Variants in NPAS3 observed in about 807,000 individuals in gnomAD.
NPAS3 encodes neuronal PAS domain-containing protein 3.
In NPAS3, 14 loss-of-function variants were observed where a neutral mutation model predicts 73.1. The observed-to-expected ratio is 0.19, with a 90% CI of 0.13 to 0.30. NPAS3 has a LOEUF of 0.30. NPAS3 is among the 10% of genes least tolerant of loss of function. The pLI is 1.00. For synonymous variants in NPAS3, 620 were observed against 541.5 expected (o/e 1.14, Z -2.01); for missense variants, 1,096 against 1,250.0 (o/e 0.88, Z 1.86).
intron 5 of NPAS3, among the ~76,000 whole-genome samples, chr14:33,647,237 T>C (rs1457424633): frequency 2.0e-5 from 3 of 151,974 alleles, no homozygotes; most frequent in Non-Finnish European, 1.5e-5. Flanking sequence ...GTAAGCAATT[T>C]CATACACTTA....
intron 8 of NPAS3, among the ~76,000 whole-genome samples, chr14:33,775,282 G>T (rs1028012562): frequency 1.3e-5 from 2 of 152,120 alleles, no homozygotes; most frequent in Non-Finnish European, 2.9e-5. Context: ...GAGAGGAGCC[G>T]CCCACATACC....
intron 3 of NPAS3, among the ~76,000 whole-genome samples, chr14:33,239,725 A>G (rs1321281947): frequency 6.6e-6 from 1 of 152,010 alleles, no homozygotes; most frequent in East Asian, 1.9e-4. Context: ...GCCTTGAAAT[A>G]TTTGCCCATT....
chr14:33,779,957 A>G (rs1052260450), intron 9 of NPAS3, among the ~76,000 whole-genome samples: 2 of 152,172 alleles, frequency 1.3e-5, no homozygotes, highest in African/African-American at 4.8e-5. Flanking sequence ...GGTCAAAGAG[A>G]GCTATTTCTT....
intron 3 of NPAS3, among the ~76,000 whole-genome samples, chr14:33,359,231 T>C (rs2140381257): frequency 6.6e-6 from 1 of 152,344 alleles, no homozygotes. Flanking sequence ...AGCTGTTTCC[T>C]GCAGAACCAA....
intron 1 of NPAS3, among the ~76,000 whole-genome samples, chr14:33,028,951 A>G (rs2039899228): frequency 6.6e-6 from 1 of 152,264 alleles, no homozygotes; most frequent in East Asian, 1.9e-4. Context: ...CCCAGTGTGC[A>G]TTAGCTATTT....
chr14:33,182,485 C>G (rs1216542741), intron 2 of NPAS3, among the ~76,000 whole-genome samples: 4 of 152,044 alleles, frequency 2.6e-5, no homozygotes, highest in Non-Finnish European at 5.9e-5. Context: ...AAGGTTGTAA[C>G]AAATAAAACA....
chr14:33,253,094 T>G (rs1296803187), intron 3 of NPAS3, among the ~76,000 whole-genome samples: 2 of 152,086 alleles, frequency 1.3e-5, no homozygotes, highest in Non-Finnish European at 2.9e-5. Context: ...TAAGTGGAAA[T>G]GTCTTTCTTA....
intron 2 of NPAS3, among the ~76,000 whole-genome samples, chr14:33,093,886 G>GT (rs1471511178): frequency 6.6e-6 from 1 of 150,484 alleles, no homozygotes; most frequent in Non-Finnish European, 1.5e-5. Flanking sequence ...ACCAAATACC[G>GT]TATGTTCTCA....
intron 3 of NPAS3, among the ~76,000 whole-genome samples, chr14:33,327,480 A>C (rs1037396683): frequency 1.3e-5 from 2 of 152,238 alleles, no homozygotes; most frequent in African/African-American, 4.8e-5. Flanking sequence ...AAAGATACAC[A>C]GGAAGTGGTC....
chr14:33,077,112 C>A (rs2041685420), intron 2 of NPAS3, among the ~76,000 whole-genome samples: 1 of 152,082 alleles, frequency 6.6e-6, no homozygotes, highest in Non-Finnish European at 1.5e-5. Context: ...GTGGAGGTAG[C>A]AGGCACTAAA....
intron 3 of NPAS3, among the ~76,000 whole-genome samples, chr14:33,292,472 A>G (rs1594616925): frequency 6.6e-6 from 1 of 152,172 alleles, no homozygotes; most frequent in Admixed American, 6.5e-5. Context: ...TTTATTGTGA[A>G]AAAATAAAAA....
intron 4 of NPAS3, among the ~76,000 whole-genome samples, chr14:33,433,239 C>T (rs1224774294): frequency 1.3e-5 from 2 of 152,066 alleles, no homozygotes; most frequent in Admixed American, 6.5e-5. Context: ...TCAGTAGGCT[C>T]ATATTATTAT....
At chr14:33,168,344 C>T (rs889181086) in intron 2 of NPAS3, among the ~76,000 whole-genome samples, 2 of 152,232 alleles carry the variant, frequency 1.3e-5, no homozygotes, top group East Asian at 1.9e-4. Context: ...CTCTCCCTTG[C>T]CTTGAGGAGC....
chr14:33,480,191 T>G (rs934683642), intron 4 of NPAS3, among the ~76,000 whole-genome samples: 1 of 152,190 alleles, frequency 6.6e-6, no homozygotes, highest in Non-Finnish European at 1.5e-5. Flanking sequence ...TACTCAACAC[T>G]TCGTAACTTT....
At chr14:32,952,321 T>C (rs1407061897) in intron 1 of NPAS3, among the ~76,000 whole-genome samples, 6 of 152,114 alleles carry the variant, frequency 3.9e-5, no homozygotes, top group East Asian at 1.9e-4. Flanking sequence ...AACTCCTTTT[T>C]CCCCCTCATC....
chr14:33,215,647 T>G, intron 3 of NPAS3: 1 of 698,464 alleles, frequency 1.4e-6, no homozygotes, highest in Non-Finnish European at 2.6e-6. Flanking sequence ...CCTAAAATTC[T>G]GTCACTTTAT....
intron 3 of NPAS3, among the ~76,000 whole-genome samples, chr14:33,241,898 G>C (rs2048224510): frequency 6.6e-6 from 1 of 152,022 alleles, no homozygotes; most frequent in Admixed American, 6.6e-5. Flanking sequence ...TTTGCATGGT[G>C]AATAGTTTCC....
At chr14:33,775,550 G>A (rs2062786367) in intron 8 of NPAS3, among the ~76,000 whole-genome samples, 1 of 152,150 alleles carries the variant, frequency 6.6e-6, no homozygotes, top group South Asian at 2.1e-4. Context: ...GATCGAGTTG[G>A]AAACTGCCTA....
chr14:33,144,222 G>A (rs1384745334), intron 2 of NPAS3, among the ~76,000 whole-genome samples: 4 of 152,056 alleles, frequency 2.6e-5, no homozygotes, highest in Non-Finnish European at 4.4e-5. Flanking sequence ...TATTTTTCAT[G>A]TTTTTAACAA....
Sources: gnomAD v4.1 joint callset for allele counts (sites outside exome capture counted in the v4.1 genomes callset) on GRCh38, gnomAD v4.1.1 for gene constraint, MANE v1.5 for transcripts, NCBI Gene and HGNC (gene_info 2026-07-23, HGNC 2026-07-21) for gene names.